The following LMBRD1 variants were observed in gnomAD, a reference collection of about 807,000 sequenced individuals.
LMBRD1 encodes lysosomal cobalamin transport escort protein LMBD1.
In LMBRD1, 64 loss-of-function variants were observed where a neutral mutation model predicts 74.8. That is an observed-to-expected ratio of 0.86 (90% CI 0.70 to 1.05). LMBRD1 has a LOEUF of 1.05. Ranked by LOEUF, LMBRD1 falls within the 50% of genes least tolerant of loss-of-function variation. The pLI is 0.00. For synonymous variants in LMBRD1, 204 were observed against 216.3 expected (o/e 0.94, Z 0.50); for missense variants, 652 against 645.9 (o/e 1.01, Z -0.10).
Position 69,688,087 on chromosome 6 carries a change from T to A in LMBRD1, c.1417+9476A>T, listed in dbSNP as rs146483187. ...TTAGGGACTACCATTAGGCTCACAG[T>A]ACCACAGAAGGTATTAACGAAGATA... On this transcript the variant is annotated intron_variant, in intron 14 of 15. Coordinates refer to ENST00000649934, the MANE Select transcript of LMBRD1 (RefSeq NM_018368.4). Among the ~76,000 whole-genome samples, 725 of 152,246 alleles carry A rather than the reference T, an allele frequency of 4.8e-3. 8 individuals carry two copies. The highest frequency in any genetic ancestry group is 0.017 in the Middle Eastern group (5 of 294).
At chr6:69,736,385 A>G (rs537059034) in intron 7 of LMBRD1, among the ~76,000 whole-genome samples, 2 of 152,266 alleles carry the variant, frequency 1.3e-5, no homozygotes, top group Non-Finnish European at 1.5e-5. Context: ...TATTATGTGC[A>G]GGTCTCATCT....
chr6:69,694,504 T>C (rs1279993659), intron 14 of LMBRD1, among the ~76,000 whole-genome samples: 1 of 152,186 alleles, frequency 6.6e-6, no homozygotes, highest in Non-Finnish European at 1.5e-5. Context: ...TATTTATTTA[T>C]ACTAACAACA....
At chr6:69,733,956 A>T (rs1022412993) in intron 7 of LMBRD1, among the ~76,000 whole-genome samples, 3 of 152,170 alleles carry the variant, frequency 2.0e-5, no homozygotes, top group African/African-American at 4.8e-5. Flanking sequence ...AGATTCCAAG[A>T]CTTGGTGGAT....
chr6:69,796,314 C>T (rs1296869630), intron 1 of LMBRD1, among the ~76,000 whole-genome samples: 2 of 152,140 alleles, frequency 1.3e-5, no homozygotes, highest in African/African-American at 4.8e-5. Flanking sequence ...CAGAATCACA[C>T]AATGGGCACA....
intron 7 of LMBRD1, among the ~76,000 whole-genome samples, chr6:69,727,966 T>A (rs775242687): frequency 6.6e-6 from 1 of 152,190 alleles, no homozygotes; most frequent in Non-Finnish European, 1.5e-5. Context: ...TATTTACCAA[T>A]TCTCATTACT....
chr6:69,708,601 T>C (rs1268811430), intron 9 of LMBRD1, among the ~76,000 whole-genome samples: 1 of 151,828 alleles, frequency 6.6e-6, no homozygotes, highest in Non-Finnish European at 1.5e-5. Flanking sequence ...GTTATGTATA[T>C]GCTAGGGAAA....
chr6:69,791,719 A>G (rs894471649), intron 1 of LMBRD1, among the ~76,000 whole-genome samples: 3 of 152,238 alleles, frequency 2.0e-5, no homozygotes, highest in African/African-American at 7.2e-5. Flanking sequence ...AGCAAGATAC[A>G]AGAACAATTC....
chr6:69,796,750 G>C (rs1766242647), intron 1 of LMBRD1, 63 bp downstream of exon 1: 1 of 1,511,678 alleles, frequency 6.6e-7, no homozygotes, highest in East Asian at 2.3e-5. Flanking sequence ...GCCAACTGCA[G>C]GGCCTGCCCC....
intron 3 of LMBRD1, among the ~76,000 whole-genome samples, chr6:69,777,016 C>T (rs1326948692): frequency 2.0e-5 from 3 of 151,970 alleles, no homozygotes; most frequent in Non-Finnish European, 4.4e-5. Context: ...AGCATGGTGG[C>T]GAACGCTTGT....
intron 2 of LMBRD1, among the ~76,000 whole-genome samples, chr6:69,790,071 T>C (rs947274296): frequency 6.6e-6 from 1 of 152,242 alleles, no homozygotes; most frequent in Non-Finnish European, 1.5e-5. Context: ...TATAACCTAT[T>C]ATGATTACTT....
chr6:69,768,853 T>G (rs1765522336), intron 3 of LMBRD1, among the ~76,000 whole-genome samples: 1 of 152,118 alleles, frequency 6.6e-6, no homozygotes, highest in Non-Finnish European at 1.5e-5. Context: ...ATCTTTATTT[T>G]TTTTTTCTTT....
At chr6:69,792,440 C>A (rs1468628328) in intron 1 of LMBRD1, among the ~76,000 whole-genome samples, 1 of 152,208 alleles carries the variant, frequency 6.6e-6, no homozygotes, top group East Asian at 1.9e-4. Flanking sequence ...TGGCTAGTGT[C>A]ATTTGGCACA....
At chr6:69,679,189 T>C (rs931156193) in intron 14 of LMBRD1, among the ~76,000 whole-genome samples, 4 of 152,126 alleles carry the variant, frequency 2.6e-5, no homozygotes, top group African/African-American at 9.7e-5. Flanking sequence ...TTCTTCTCTT[T>C]ATCAACAGAA....
chr6:69,781,244 T>C (rs921076187), intron 2 of LMBRD1, among the ~76,000 whole-genome samples: 7 of 152,174 alleles, frequency 4.6e-5, no homozygotes, highest in African/African-American at 1.7e-4. Flanking sequence ...ATTAATCTTT[T>C]CCAATAGAAA....
At chr6:69,789,444 T>C (rs1210957501) in intron 2 of LMBRD1, among the ~76,000 whole-genome samples, 1 of 151,954 alleles carries the variant, frequency 6.6e-6, no homozygotes, top group Non-Finnish European at 1.5e-5. Context: ...CGAGAATCGC[T>C]TGAACCCAGG....
intron 7 of LMBRD1, among the ~76,000 whole-genome samples, chr6:69,725,549 G>A (rs1388955455): frequency 6.6e-6 from 1 of 151,040 alleles, no homozygotes; most frequent in Non-Finnish European, 1.5e-5. Flanking sequence ...ACGGACCAAT[G>A]GAACAGAATA....
chr6:69,764,928 CTTT>C (rs149970766), intron 3 of LMBRD1, among the ~76,000 whole-genome samples: 3 of 143,014 alleles, frequency 2.1e-5, no homozygotes, highest in Non-Finnish European at 1.5e-5. Flanking sequence ...AATTTCTTTT[CTTT>C]TTTTTTTTTT....
intron 7 of LMBRD1, among the ~76,000 whole-genome samples, chr6:69,722,369 G>C (rs1399093291): frequency 6.6e-6 from 1 of 151,666 alleles, no homozygotes; most frequent in Non-Finnish European, 1.5e-5. Flanking sequence ...CACTGGAACA[G>C]TAAGCACACA....
chr6:69,707,190 G>A (rs571704907), intron 9 of LMBRD1, among the ~76,000 whole-genome samples: 1 of 152,198 alleles, frequency 6.6e-6, no homozygotes, highest in Non-Finnish European at 1.5e-5. Context: ...AACCAGTCAT[G>A]GCAAGTCAGG....
Sources: allele counts gnomAD v4.1 joint callset (sites outside exome capture counted in the v4.1 genomes callset), GRCh38; gene constraint gnomAD v4.1.1; transcripts MANE v1.5; gene names NCBI Gene and HGNC (gene_info 2026-07-23, HGNC 2026-07-21).